TSPAN13: variants seen among roughly 807,000 people sequenced by gnomAD.
The protein encoded by TSPAN13 is tetraspanin-13.
In TSPAN13, 18 loss-of-function variants were observed where a neutral mutation model predicts 26.9. That is an observed-to-expected ratio of 0.67 (90% CI 0.46 to 0.99). The LOEUF (loss-of-function observed/expected upper bound fraction) is 0.99. Among genes scored for constraint, TSPAN13 ranks in the 50% least tolerant of loss-of-function variants. TSPAN13 has a pLI of 0.00. For missense variants in TSPAN13, 201 were observed against 249.6 expected (o/e 0.81, Z 1.31); for synonymous variants, 116 against 98.4 (o/e 1.18, Z -1.06).
chr7:16,762,262 G>T (rs983292561), intron 1 of TSPAN13, among the ~76,000 whole-genome samples: 4 of 152,168 alleles, frequency 2.6e-5, no homozygotes, highest in Non-Finnish European at 4.4e-5. Flanking sequence ...TCCTGAAAGG[G>T]TAATGAGCAA....
rs551110809 is a variant in TSPAN13 at position 16,753,887 on chromosome 7, A to C, written c.-81A>C. The C allele has an allele frequency of 7.3e-5, 108 of 1,470,542 alleles. 2 individuals carry two copies. The South Asian group carries it at 1.3e-3, about 17-fold the overall frequency. 91.1% of individuals were successfully genotyped at this position (1,470,542 alleles called of 1,614,324 possible). ...GCTGCCCCGCCTGGGCCAGGCCCCA[A>C]AGGCAAGGACAAAGCAGCTGTCAGG... On this transcript the variant is annotated 5_prime_UTR_variant, in exon 1 of 6. Coordinates refer to ENST00000262067, the MANE Select transcript of TSPAN13 (RefSeq NM_014399.4).
chr7:16,779,828 G>A (rs1784794903), intron 5 of TSPAN13, among the ~76,000 whole-genome samples: 1 of 150,128 alleles, frequency 6.7e-6, no homozygotes, highest in South Asian at 2.1e-4. Context: ...CTGGAGTGCA[G>A]TGGCACAATC....
At chr7:16,768,782 T>C (rs1481610482) in intron 1 of TSPAN13, among the ~76,000 whole-genome samples, 1 of 152,250 alleles carries the variant, frequency 6.6e-6, no homozygotes, top group East Asian at 1.9e-4. Context: ...CTTAGAATTT[T>C]GCCTCTCTCA....
chr7:16,782,438 G>C (rs1317571279), intron 5 of TSPAN13, among the ~76,000 whole-genome samples: 1 of 152,164 alleles, frequency 6.6e-6, no homozygotes, highest in African/African-American at 2.4e-5. Flanking sequence ...CGTATAAAGT[G>C]GGAGATACAG....
intron 5 of TSPAN13, among the ~76,000 whole-genome samples, chr7:16,781,677 C>T (rs1204053145): frequency 2.0e-5 from 3 of 152,094 alleles, no homozygotes; most frequent in Non-Finnish European, 4.4e-5. Flanking sequence ...CTTTCTTCCC[C>T]CAAGGACTGT....
chr7:16,761,387 A>C (rs1784539307), intron 1 of TSPAN13, among the ~76,000 whole-genome samples: 1 of 152,250 alleles, frequency 6.6e-6, no homozygotes, highest in Admixed American at 6.5e-5. Context: ...GCATCGTAGA[A>C]ACATGTGCTT....
intron 4 of TSPAN13, among the ~76,000 whole-genome samples, chr7:16,778,304 C>T (rs1458433151): frequency 6.6e-6 from 1 of 152,210 alleles, no homozygotes; most frequent in East Asian, 1.9e-4. Flanking sequence ...GAGATTATCT[C>T]CTTGTAGGGG....
intron 5 of TSPAN13, among the ~76,000 whole-genome samples, chr7:16,782,951 C>T (rs1784829457): frequency 6.6e-6 from 1 of 152,166 alleles, no homozygotes; most frequent in Admixed American, 6.6e-5. Context: ...TTTACATCTT[C>T]AAAGCTAGGA....
intron 1 of TSPAN13, among the ~76,000 whole-genome samples, chr7:16,761,351 T>C (rs550541623): frequency 2.0e-5 from 3 of 152,286 alleles, no homozygotes; most frequent in Admixed American, 1.3e-4. Flanking sequence ...ATTTATAGAG[T>C]TTTCATATTT....
chr7:16,757,460 C>G (rs1784491716), intron 1 of TSPAN13, among the ~76,000 whole-genome samples: 1 of 151,998 alleles, frequency 6.6e-6, no homozygotes, highest in African/African-American at 2.4e-5. Context: ...AATGTGTCTC[C>G]TTGTGCTTCT....
chr7:16,774,746 G>A (rs1325983449), intron 1 of TSPAN13, among the ~76,000 whole-genome samples: 1 of 152,170 alleles, frequency 6.6e-6, no homozygotes, highest in African/African-American at 2.4e-5. Flanking sequence ...CTTGCTGGGT[G>A]TACCAGCTGC....
chr7:16,778,927 T>C, intron 4 of TSPAN13, 76 bp from the exon 5 acceptor site: 1 of 1,062,876 alleles, frequency 9.4e-7, no homozygotes, highest in South Asian at 1.6e-5. Context: ...GACACTAATT[T>C]TGTGTGTATG....
At chr7:16,763,395 G>A (rs1422488705) in intron 1 of TSPAN13, among the ~76,000 whole-genome samples, 2 of 152,204 alleles carry the variant, frequency 1.3e-5, no homozygotes, top group Non-Finnish European at 1.5e-5. Flanking sequence ...GGTTATAGAT[G>A]TTCTTGAAGC....
intron 1 of TSPAN13, among the ~76,000 whole-genome samples, chr7:16,772,304 C>A (rs77708240): frequency 0.015 from 2,261 of 152,238 alleles, 56 homozygotes; most frequent in African/African-American, 0.05. Flanking sequence ...TGTCAAACTC[C>A]AAATAGGTGA....
At chr7:16,775,804 TG>T (rs1397374190) in intron 1 of TSPAN13, 1 of 154,978 alleles carries the variant, frequency 6.5e-6, no homozygotes, top group African/African-American at 2.4e-5. Flanking sequence ...ACAGTGCATT[TG>T]GGCTTTGAAG....
intron 5 of TSPAN13, among the ~76,000 whole-genome samples, chr7:16,781,342 A>T (rs977143024): frequency 2.6e-5 from 4 of 152,140 alleles, no homozygotes; most frequent in African/African-American, 9.7e-5. Context: ...TTCTACATAC[A>T]TTTTCATGTT....
rs183136412 is a variant in TSPAN13, at chr7:16,782,021, C to T, written c.541-1396C>T. On this transcript the variant is annotated intron_variant, in intron 5 of 5. Transcript: ENST00000262067. ...GACCTGTGTGATTATTTTGTTTAAC[C>T]TCTTGTTGCCTCAGTTTCCTCACTG... 3.7e-3 allele frequency among the ~76,000 whole-genome samples: 570 copies of T among 152,220 alleles called. 3 individuals carry two copies. Among genetic ancestry groups the T allele is most frequent in the Non-Finnish European group, 6.8e-3 (460 of 68,022 alleles).
At chr7:16,759,899 C>G (rs886194727) in intron 1 of TSPAN13, among the ~76,000 whole-genome samples, 5 of 152,052 alleles carry the variant, frequency 3.3e-5, no homozygotes, top group African/African-American at 7.2e-5. Context: ...GTTGTCTGGG[C>G]TAGCCTTGAA....
intron 1 of TSPAN13, among the ~76,000 whole-genome samples, chr7:16,767,049 C>T (rs577610084): frequency 4.6e-5 from 7 of 152,274 alleles, no homozygotes; most frequent in African/African-American, 1.7e-4. Flanking sequence ...CTCAAGCAGT[C>T]TGTCTCGGCC....
Sources: gnomAD v4.1 joint callset for allele counts (sites outside exome capture counted in the v4.1 genomes callset) on GRCh38, gnomAD v4.1.1 for gene constraint, MANE v1.5 for transcripts, NCBI Gene and HGNC (gene_info 2026-07-23, HGNC 2026-07-21) for gene names.